The following CUL5 variants were observed in gnomAD, a reference collection of about 807,000 sequenced individuals.
CUL5 encodes the protein cullin-5.
CUL5 carries 26 observed loss-of-function variants against 108.8 expected under a neutral mutation model. The observed-to-expected ratio is 0.24, with a 90% CI of 0.18 to 0.33. The LOEUF is 0.33. Ranked by LOEUF, CUL5 falls within the 10% of genes least tolerant of loss-of-function variation. The pLI, the probability that CUL5 is intolerant of heterozygous loss-of-function variation, is 1.00. For synonymous variants in CUL5, 334 were observed against 298.0 expected, an observed-to-expected ratio of 1.12 and a Z score of -1.25; for missense variants, 524 against 909.2, an observed-to-expected ratio of 0.58 and a Z score of 5.45.
intron 1 of CUL5, among the ~76,000 whole-genome samples, chr11:108,030,043 G>A (rs1220582601): frequency 1.3e-5 from 2 of 152,116 alleles, no homozygotes; most frequent in Admixed American, 6.5e-5. Context: ...TTTCATATTT[G>A]TTTATTTGCA....
intron 8 of CUL5, among the ~76,000 whole-genome samples, chr11:108,071,738 C>T (rs916120559): frequency 6.6e-6 from 1 of 151,664 alleles, no homozygotes; most frequent in Non-Finnish European, 1.5e-5. Flanking sequence ...TTTTGTGTAA[C>T]GATGGGTTTT....
intron 1 of CUL5, among the ~76,000 whole-genome samples, chr11:108,023,207 C>T (rs921685814): frequency 2.6e-5 from 4 of 152,172 alleles, no homozygotes; most frequent in African/African-American, 9.7e-5. Context: ...CACGATCTTG[C>T]CATTGCACTC....
Position 108,063,464 on chromosome 11 carries a change from G to T in CUL5, c.781-6632G>T, listed in dbSNP as rs574108508. ...CATTCATTTGTTGGTGGACAGTAAG[G>T]TTCCTTCCAAATCTTGATTATAAGT... On this transcript the variant is annotated intron_variant, in intron 7 of 18. Coordinates refer to ENST00000393094, the MANE Select transcript of CUL5 (RefSeq NM_003478.6). Among the ~76,000 whole-genome samples, 6 of 151,910 alleles carry T rather than the reference G, an allele frequency of 3.9e-5. No homozygotes were observed. The East Asian group carries it at 5.8e-4, about 15-fold the overall frequency.
At chr11:108,073,539 T>C in intron 10 of CUL5, 42 bp downstream of exon 10, 1 of 904,508 alleles carries the variant, frequency 1.1e-6, no homozygotes, top group East Asian at 2.8e-5. Flanking sequence ...TTAAAAGTTT[T>C]ATTCTCATAA....
intron 2 of CUL5, among the ~76,000 whole-genome samples, chr11:108,037,013 A>AT: frequency 6.6e-6 from 1 of 151,692 alleles, no homozygotes; most frequent in South Asian, 2.1e-4. Context: ...TCTTGCTATT[A>AT]TTTTTTCCTA....
chr11:108,009,702 G>C (rs1190921988), intron 1 of CUL5, among the ~76,000 whole-genome samples: 1 of 152,198 alleles, frequency 6.6e-6, no homozygotes, highest in Non-Finnish European at 1.5e-5. Flanking sequence ...CGTTAGTACT[G>C]TTAGGTCTCA....
At chr11:108,064,567 G>A (rs905895348) in intron 7 of CUL5, among the ~76,000 whole-genome samples, 4 of 152,104 alleles carry the variant, frequency 2.6e-5, no homozygotes, top group South Asian at 4.2e-4. Context: ...AAAAATTAGC[G>A]GGCGAGGTGT....
intron 18 of CUL5, among the ~76,000 whole-genome samples, chr11:108,099,891 T>G (rs1864607114): frequency 6.6e-6 from 1 of 151,452 alleles, no homozygotes. Flanking sequence ...GTTGAATAAC[T>G]TAAACAAAAA....
intron 13 of CUL5, among the ~76,000 whole-genome samples, chr11:108,093,751 A>G (rs1376438609): frequency 6.6e-6 from 1 of 152,208 alleles, no homozygotes; most frequent in Non-Finnish European, 1.5e-5. Context: ...TCTGTTGCCC[A>G]GGCTGGAGCG....
At chr11:108,060,554 G>A (rs766915698) in intron 7 of CUL5, among the ~76,000 whole-genome samples, 2 of 152,076 alleles carry the variant, frequency 1.3e-5, no homozygotes, top group African/African-American at 4.8e-5. Flanking sequence ...AGAAGAATCT[G>A]GCTGGATGCC....
At chr11:108,039,118 T>G (rs1862823289) in intron 2 of CUL5, among the ~76,000 whole-genome samples, 1 of 152,172 alleles carries the variant, frequency 6.6e-6, no homozygotes, top group African/African-American at 2.4e-5. Flanking sequence ...CCTCCCAGGT[T>G]CAAGCAATTC....
chr11:108,091,617 A>C (rs969398258), intron 13 of CUL5, among the ~76,000 whole-genome samples: 7 of 150,834 alleles, frequency 4.6e-5, no homozygotes, highest in Non-Finnish European at 4.4e-5. Context: ...TGAGCCTGTG[A>C]GGTGGAGGTT....
intron 11 of CUL5, among the ~76,000 whole-genome samples, chr11:108,081,899 C>A (rs115391635): frequency 1.3e-5 from 2 of 152,180 alleles, no homozygotes; most frequent in African/African-American, 4.8e-5. Flanking sequence ...AAGATGTGTG[C>A]ATGTTTCAAG....
chr11:108,033,951 ATTTTAGTGATGTC>A (rs1565238323), intron 2 of CUL5, 40 bp downstream of exon 2: 1 of 1,205,648 alleles, frequency 8.3e-7, no homozygotes, highest in Non-Finnish European at 1.2e-6. Context: ...CATAAAGGAA[ATTTTAGTGATGTC>A]TTTCCATACC....
At chr11:108,058,851 C>T (rs1037223213) in intron 7 of CUL5, among the ~76,000 whole-genome samples, 1 of 152,064 alleles carries the variant, frequency 6.6e-6, no homozygotes, top group Non-Finnish European at 1.5e-5. Flanking sequence ...GATTATCACT[C>T]GCTGGGCCTA....
chr11:108,010,302 C>T lies in CUL5; in HGVS notation c.24+930C>T, dbSNP rs138794562. 1.2e-3 allele frequency among the ~76,000 whole-genome samples: 182 copies of T among 152,382 alleles called. 1 individual carries two copies. The highest frequency in any genetic ancestry group is 4.2e-3 in the African/African-American group (175 of 41,592). On this transcript the variant is annotated intron_variant, in intron 1 of 18. Transcript: ENST00000393094. ...GCCTAATACAAAGGATGAACCACTTCTTCCTGAGGCCTCTCATGCCTTCAG... is the reference window on the plus strand; with the variant it reads ...GCCTAATACAAAGGATGAACCACTTTTTCCTGAGGCCTCTCATGCCTTCAG...
intron 2 of CUL5, among the ~76,000 whole-genome samples, chr11:108,041,548 A>G (rs1403025831): frequency 6.6e-6 from 1 of 151,746 alleles, no homozygotes; most frequent in African/African-American, 2.4e-5. Flanking sequence ...AAATGCTGGG[A>G]TTACAGGTAG....
intron 2 of CUL5, among the ~76,000 whole-genome samples, chr11:108,043,427 G>C (rs1333994891): frequency 6.6e-6 from 1 of 152,180 alleles, no homozygotes; most frequent in Non-Finnish European, 1.5e-5. Context: ...AGACTGTATA[G>C]GTATGCAGGA....
chr11:108,055,913 G>C (rs1297704247), intron 7 of CUL5, among the ~76,000 whole-genome samples: 1 of 152,166 alleles, frequency 6.6e-6, no homozygotes, highest in East Asian at 1.9e-4. Context: ...TTACAGGCGT[G>C]AGCCACTGCA....
Sources: allele counts gnomAD v4.1 joint callset (sites outside exome capture counted in the v4.1 genomes callset), GRCh38; gene constraint gnomAD v4.1.1; transcripts MANE v1.5; gene names NCBI Gene and HGNC (gene_info 2026-07-23, HGNC 2026-07-21).